Variants in TMEM132B observed in about 807,000 individuals in gnomAD.
The protein encoded by TMEM132B is transmembrane protein 132B.
In TMEM132B, 18 loss-of-function variants were observed where a neutral mutation model predicts 90.8. That is an observed-to-expected ratio of 0.20 (90% CI 0.14 to 0.29). The LOEUF (loss-of-function observed/expected upper bound fraction) is 0.29, where lower values mean the gene tolerates loss of function less well. TMEM132B is among the 10% of genes least tolerant of loss of function. The pLI is 1.00. For synonymous variants in TMEM132B, 504 were observed against 523.3 expected (o/e 0.96, Z 0.50); for missense variants, 1,096 against 1,326.8 (o/e 0.83, Z 2.70).
intron 5 of TMEM132B, among the ~76,000 whole-genome samples, chr12:125,594,562 A>G (rs2136902812): frequency 6.6e-6 from 1 of 152,288 alleles, no homozygotes; most frequent in African/African-American, 2.4e-5. Context: ...AGTCTTTTTA[A>G]TATTAGCCTT....
chr12:125,227,020 C>G (rs1236467075), intron 1 of TMEM132B, among the ~76,000 whole-genome samples: 1 of 152,178 alleles, frequency 6.6e-6, no homozygotes, highest in Non-Finnish European at 1.5e-5. Flanking sequence ...TCCATTTTCA[C>G]TTAAGGATGT....
chr12:125,482,796 G>A (rs541498544), intron 3 of TMEM132B, among the ~76,000 whole-genome samples: 1 of 152,246 alleles, frequency 6.6e-6, no homozygotes, highest in East Asian at 1.9e-4. Flanking sequence ...ACATGCACAA[G>A]TATGTTTATT....
At chr12:125,532,997 GC>G (rs1391084436) in intron 4 of TMEM132B, among the ~76,000 whole-genome samples, 1 of 152,134 alleles carries the variant, frequency 6.6e-6, no homozygotes, top group Non-Finnish European at 1.5e-5. Context: ...GTTCTTGCTA[GC>G]GAGTCACTTT....
intron 3 of TMEM132B, among the ~76,000 whole-genome samples, chr12:125,420,533 C>G (rs1236946270): frequency 6.9e-6 from 1 of 145,820 alleles, no homozygotes; most frequent in Non-Finnish European, 1.5e-5. Flanking sequence ...CTGGGCCAGG[C>G]CCACTAAAGA....
At position 125,518,356 on chromosome 12, in the gene TMEM132B, G is replaced by C. The variant is rs185243127; in HGVS notation, c.1107-1083G>C. Among the ~76,000 whole-genome samples the C allele has an allele frequency of 6.6e-5, 10 of 152,318 alleles. No homozygotes were observed. The East Asian group carries it at 1.9e-3, about 30-fold the overall frequency. ...TGTGAGTTTGGGAGCCCAGACTGCA[G>C]ACCTTGCCTAGGCCCCCAGAGGCAG... On this transcript the variant is annotated intron_variant, in intron 3 of 8. Coordinates refer to ENST00000682704, the MANE Select transcript of TMEM132B (RefSeq NM_001366854.1).
intron 3 of TMEM132B, among the ~76,000 whole-genome samples, chr12:125,476,699 C>T (rs1200531054): frequency 6.6e-6 from 1 of 152,104 alleles, no homozygotes; most frequent in Non-Finnish European, 1.5e-5. Flanking sequence ...CGAAGAATTG[C>T]CAGGTCATAT....
intron 5 of TMEM132B, among the ~76,000 whole-genome samples, chr12:125,607,545 G>A (rs1885726847): frequency 6.6e-6 from 1 of 152,312 alleles, no homozygotes; most frequent in South Asian, 2.1e-4. Flanking sequence ...AGTTGTTCAT[G>A]TGGGGACTCA....
intron 3 of TMEM132B, among the ~76,000 whole-genome samples, chr12:125,487,105 T>C (rs2136545207): frequency 6.6e-6 from 1 of 152,324 alleles, no homozygotes; most frequent in African/African-American, 2.4e-5. Flanking sequence ...TGAAATACTA[T>C]TTAGCACATC....
chr12:125,336,645 T>C (rs535403342), intron 1 of TMEM132B, among the ~76,000 whole-genome samples: 1 of 152,352 alleles, frequency 6.6e-6, no homozygotes, highest in Non-Finnish European at 1.5e-5. Flanking sequence ...TTCCTATACA[T>C]GCAGTTGCAC....
chr12:125,270,828 C>T (rs1658161310), intron 1 of TMEM132B, among the ~76,000 whole-genome samples: 1 of 152,032 alleles, frequency 6.6e-6, no homozygotes. Flanking sequence ...CTTGGGGGCT[C>T]CACATGTGCC....
At chr12:125,431,722 C>G (rs1880514913) in intron 3 of TMEM132B, among the ~76,000 whole-genome samples, 1 of 152,188 alleles carries the variant, frequency 6.6e-6, no homozygotes, top group Non-Finnish European at 1.5e-5. Context: ...GTCCTTGGTG[C>G]TCCCAGGTAT....
In TMEM132B at chr12:125,657,866, A is replaced by G. The variant is rs1326340156; in HGVS notation, c.*3156A>G. 6.6e-6 allele frequency: 1 copy of G among 152,310 alleles called. No individual in the cohort carries two copies. The highest frequency in any genetic ancestry group is 1.9e-4 in the East Asian group (1 of 5,206). 9.4% of individuals were successfully genotyped at this position (152,310 alleles called of 1,614,324 possible). On this transcript the variant is annotated 3_prime_UTR_variant, in exon 9 of 9. Coordinates refer to ENST00000682704, the MANE Select transcript of TMEM132B (RefSeq NM_001366854.1). ...TCAGATGCTAGACGACCAGCGTATGACCTGGAACCATTGAGGATTGCAACC... is the reference window on the plus strand; with the variant it reads ...TCAGATGCTAGACGACCAGCGTATGGCCTGGAACCATTGAGGATTGCAACC...
At chr12:125,535,712 C>T (rs899798170) in intron 4 of TMEM132B, among the ~76,000 whole-genome samples, 1 of 152,120 alleles carries the variant, frequency 6.6e-6, no homozygotes, top group Non-Finnish European at 1.5e-5. Flanking sequence ...TAGAAAAGAC[C>T]AAGAGAGGGG....
At chr12:125,472,283 G>A (rs1881743856) in intron 3 of TMEM132B, among the ~76,000 whole-genome samples, 2 of 152,176 alleles carry the variant, frequency 1.3e-5, no homozygotes, top group Non-Finnish European at 2.9e-5. Flanking sequence ...TGTGTGGTTG[G>A]CAAGCTCCTG....
At chr12:125,618,306 A>G (rs1257721907) in intron 5 of TMEM132B, among the ~76,000 whole-genome samples, 1 of 152,152 alleles carries the variant, frequency 6.6e-6, no homozygotes, top group Non-Finnish European at 1.5e-5. Flanking sequence ...CTGACCTGCA[A>G]GTAGGGCTGG....
chr12:125,339,427 G>C (rs761975578), intron 1 of TMEM132B, among the ~76,000 whole-genome samples: 1 of 152,130 alleles, frequency 6.6e-6, no homozygotes, highest in Non-Finnish European at 1.5e-5. Context: ...TGAACTGGGG[G>C]CTCTTGACCA....
intron 3 of TMEM132B, among the ~76,000 whole-genome samples, chr12:125,446,481 G>GA: frequency 6.6e-6 from 1 of 152,046 alleles, no homozygotes; most frequent in East Asian, 1.9e-4. Flanking sequence ...CTTTAGAGTA[G>GA]AAAAAAAAGT....
At chr12:125,612,694 G>A (rs1885865801) in intron 5 of TMEM132B, among the ~76,000 whole-genome samples, 1 of 142,422 alleles carries the variant, frequency 7.0e-6, no homozygotes, top group Non-Finnish European at 1.5e-5. Context: ...TCCATCTTAT[G>A]TTTATGTAGC....
At position 125,251,138 on chromosome 12, in the gene TMEM132B, C is replaced by T. The variant is rs909803981; in HGVS notation, c.67+64272C>T. Among the ~76,000 whole-genome samples, 8 of 152,178 alleles carry T rather than the reference C, an allele frequency of 5.3e-5. No homozygotes were observed. Among genetic ancestry groups the T allele is most frequent in the Non-Finnish European group, 1.0e-4 (7 of 68,036 alleles). On this transcript the variant is annotated intron_variant, in intron 1 of 8. Transcript: ENST00000682704. This position sits in a 1 kb window ranked among gnomAD's most constrained non-coding sequence, Gnocchi z 4.4. ...AGTAGGACATCATCCTTCAATAGGG[C>T]AGAGGTGTCTTCCTGGGCTGGCCTG...
Sources: allele counts gnomAD v4.1 joint callset (sites outside exome capture counted in the v4.1 genomes callset), GRCh38; gene constraint gnomAD v4.1.1; non-coding constraint Gnocchi (gnomAD v3.1); transcripts MANE v1.5; gene names NCBI Gene and HGNC (gene_info 2026-07-23, HGNC 2026-07-21).